Variants in CD47 observed in about 807,000 individuals in gnomAD.
CD47 encodes leukocyte surface antigen CD47.
Under a neutral mutation model 44.6 loss-of-function variants are expected in CD47, and 11 were observed. That is an observed-to-expected ratio of 0.25 (90% CI 0.16 to 0.41). The LOEUF (loss-of-function observed/expected upper bound fraction) is 0.41, where lower values mean the gene tolerates loss of function less well. Among genes scored for constraint, CD47 ranks in the 10% least tolerant of loss-of-function variants. The pLI is 1.00. For missense variants in CD47, 306 were observed against 386.7 expected, an observed-to-expected ratio of 0.79 and a Z score of 1.75; for synonymous variants, 140 against 136.3, an observed-to-expected ratio of 1.03 and a Z score of -0.19.
At chr3:108,048,113 A>G (rs561940797) in intron 10 of CD47, among the ~76,000 whole-genome samples, 1 of 152,128 alleles carries the variant, frequency 6.6e-6, no homozygotes, top group African/African-American at 2.4e-5. Context: ...CCATGCCACA[A>G]TTCCTGGAAC....
At chr3:108,050,884 T>A in intron 8 of CD47, 1 of 414,582 alleles carries the variant, frequency 2.4e-6, no homozygotes. Flanking sequence ...TTCTAACTTC[T>A]AAAAATATGA....
At chr3:108,084,975 T>C (rs1486255274) in intron 1 of CD47, among the ~76,000 whole-genome samples, 1 of 152,122 alleles carries the variant, frequency 6.6e-6, no homozygotes, top group African/African-American at 2.4e-5. Context: ...CTGTTCTAAA[T>C]GCAAATGTGC....
rs1406599660 is a variant in CD47 at position 108,060,794 on chromosome 3, T to A, written c.549A>T (p.Gly183=). ...CAATGACAATGACAGTGATCACTAG[T>A]CCAGCAACAAGTAAAGCAATTGTTT... ...DEKTIALLVA[G]LVITVIVIVG... The change falls in exon 4 of 11, where the codon GGA becomes GGT. Residue 183 remains glycine (G), a synonymous_variant. Coordinates refer to ENST00000361309, the MANE Select transcript of CD47 (RefSeq NM_001777.4). 6.2e-7 allele frequency: 1 copy of A among 1,613,746 alleles called. No homozygotes were observed. The highest frequency in any genetic ancestry group is 8.5e-7 in the Non-Finnish European group (1 of 1,179,748).
chr3:108,089,256 A>G (rs986302095), intron 1 of CD47, among the ~76,000 whole-genome samples: 7 of 152,168 alleles, frequency 4.6e-5, no homozygotes, highest in Non-Finnish European at 1.0e-4. Flanking sequence ...AAATACTATA[A>G]ATTCTGAATT....
intron 2 of CD47, among the ~76,000 whole-genome samples, chr3:108,071,552 T>C (rs1372991103): frequency 6.6e-6 from 1 of 152,214 alleles, no homozygotes; most frequent in East Asian, 1.9e-4. Flanking sequence ...CAACACCTCT[T>C]TGTTCTTTGG....
At chr3:108,083,199 A>C (rs2079450291) in intron 1 of CD47, among the ~76,000 whole-genome samples, 1 of 151,998 alleles carries the variant, frequency 6.6e-6, no homozygotes, top group South Asian at 2.1e-4. Flanking sequence ...AGAGTTATAG[A>C]TAAATTAGCA....
intron 3 of CD47, among the ~76,000 whole-genome samples, chr3:108,068,147 T>C (rs1049078836): frequency 1.3e-5 from 2 of 152,242 alleles, no homozygotes; most frequent in Non-Finnish European, 2.9e-5. Flanking sequence ...AGATTTACCA[T>C]ACTGGATTCT....
At chr3:108,056,126 C>T (rs2078909530) in intron 7 of CD47, among the ~76,000 whole-genome samples, 2 of 152,186 alleles carry the variant, frequency 1.3e-5, no homozygotes, top group African/African-American at 4.8e-5. Context: ...TCTTCCAGAA[C>T]CAGACACATG....
At chr3:108,059,612 G>A in intron 4 of CD47, 68 bp from the exon 5 acceptor site, 1 of 740,198 alleles carries the variant, frequency 1.4e-6, no homozygotes, top group South Asian at 2.8e-5. Context: ...TCTAAATTCT[G>A]TGCTTGACAA....
intron 2 of CD47, among the ~76,000 whole-genome samples, chr3:108,071,909 T>C (rs1490527033): frequency 1.3e-5 from 2 of 152,214 alleles, no homozygotes; most frequent in Non-Finnish European, 2.9e-5. Flanking sequence ...TATCCATGCA[T>C]AATTAGGCTT....
intron 3 of CD47, among the ~76,000 whole-genome samples, chr3:108,069,823 G>C (rs567898606): frequency 6.6e-6 from 1 of 152,102 alleles, no homozygotes; most frequent in Non-Finnish European, 1.5e-5. Flanking sequence ...TGCCAATATG[G>C]TTAAAAGCTT....
chr3:108,090,277 T>A (rs981412667), intron 1 of CD47, among the ~76,000 whole-genome samples: 3 of 152,176 alleles, frequency 2.0e-5, no homozygotes, highest in African/African-American at 7.2e-5. Context: ...GCCGGAAGAT[T>A]CTTCTGATTG....
intron 3 of CD47, among the ~76,000 whole-genome samples, chr3:108,065,686 C>T (rs2108244363): frequency 6.6e-6 from 1 of 151,946 alleles, no homozygotes; most frequent in East Asian, 1.9e-4. Context: ...TGGTGCACGC[C>T]AGTAGCCTGT....
chr3:108,066,339 T>C (rs947487303), intron 3 of CD47, among the ~76,000 whole-genome samples: 4 of 152,232 alleles, frequency 2.6e-5, no homozygotes, highest in Admixed American at 2.0e-4. Context: ...CTGATATGAA[T>C]TCCAGTTACC....
intron 2 of CD47, among the ~76,000 whole-genome samples, chr3:108,079,084 T>A (rs1363794102): frequency 3.9e-5 from 6 of 152,040 alleles, no homozygotes; most frequent in Non-Finnish European, 8.8e-5. Context: ...TAGTAGATTA[T>A]TTTATAAAAG....
chr3:108,045,322 G>T lies in CD47; in HGVS notation c.*1966C>A. The T allele has an allele frequency of 6.6e-6, 1 of 152,560 alleles. No homozygotes were observed. Among genetic ancestry groups the T allele is most frequent in the Admixed American group, 6.5e-5 (1 of 15,268 alleles). The allele number at this position is 152,560 out of a possible 1,614,324, so 9.5% of individuals were successfully genotyped here. A position where few individuals can be genotyped will look rare whatever the true frequency, so the allele number is the denominator to read the frequency against. ...TAATAGGAGCTTGGATCTTTTTCAA[G>T]TCCATCTGCTTTTCCCTCCTTTCAT... On this transcript the variant is annotated 3_prime_UTR_variant, in exon 11 of 11. Transcript: ENST00000361309.
chr3:108,079,446 C>T (rs960231983), intron 2 of CD47, among the ~76,000 whole-genome samples: 1 of 151,570 alleles, frequency 6.6e-6, no homozygotes, highest in African/African-American at 2.4e-5. Context: ...CAAAGTAAGG[C>T]TAAGCACAGA....
chr3:108,051,311 T>A (rs2078823918), intron 8 of CD47, among the ~76,000 whole-genome samples: 1 of 152,204 alleles, frequency 6.6e-6, no homozygotes, highest in South Asian at 2.1e-4. Context: ...CTGTGATAAG[T>A]CTATGTTTAT....
chr3:108,078,007 G>C (rs2079340925), intron 2 of CD47, among the ~76,000 whole-genome samples: 1 of 152,004 alleles, frequency 6.6e-6, no homozygotes, highest in African/African-American at 2.4e-5. Context: ...ATAAACACGT[G>C]ATAAAATGAG....
Sources: gnomAD v4.1 joint callset for allele counts (sites outside exome capture counted in the v4.1 genomes callset) on GRCh38, gnomAD v4.1.1 for gene constraint, MANE v1.5 for transcripts, NCBI Gene and HGNC (gene_info 2026-07-23, HGNC 2026-07-21) for gene names.